Variants in SLF1 observed in about 807,000 individuals in gnomAD.
SLF1 encodes SMC5-SMC6 complex localization factor protein 1.
In SLF1, 105 loss-of-function variants were observed where a neutral mutation model predicts 123.0. The ratio of observed to expected loss-of-function variants is 0.85; its 90% CI spans 0.73 to 1.00. SLF1 has a LOEUF of 1.00. Among genes scored for constraint, SLF1 ranks in the 50% least tolerant of loss-of-function variants. SLF1 has a pLI of 0.00. For synonymous variants in SLF1, 434 were observed against 406.6 expected, an observed-to-expected ratio of 1.07 and a Z score of -0.81; for missense variants, 1,239 against 1,223.0, an observed-to-expected ratio of 1.01 and a Z score of -0.20.
At chr5:94,665,800 TAG>T in intron 11 of SLF1, 59 bp from the exon 12 acceptor site, 13 of 1,414,416 alleles carry the variant, frequency 9.2e-6, no homozygotes, top group Non-Finnish European at 1.2e-5. Context: ...TAGACTGAAT[TAG>T]AGAGTCAAAC....
chr5:94,695,355 T>C lies in SLF1; in HGVS notation c.*43T>C. 1 of 1,554,580 alleles carries C rather than the reference T, an allele frequency of 6.4e-7. No homozygotes were observed. Among genetic ancestry groups the C allele is most frequent in the Non-Finnish European group, 8.7e-7 (1 of 1,150,832 alleles). ...GATTGACTTTCTAAATCTGTTCAGT[T>C]TGCATTGGTACTTACTGTGGACTTC... On this transcript the variant is annotated 3_prime_UTR_variant, in exon 21 of 21. Coordinates refer to ENST00000265140, the MANE Select transcript of SLF1 (RefSeq NM_032290.4).
At chr5:94,619,590 C>T (rs1041664163) in intron 1 of SLF1, among the ~76,000 whole-genome samples, 1 of 150,530 alleles carries the variant, frequency 6.6e-6, no homozygotes, top group African/African-American at 2.5e-5. Context: ...TCTTTTTTGA[C>T]GAATGACTTT....
chr5:94,681,305 A>G (rs908272094), intron 15 of SLF1, among the ~76,000 whole-genome samples: 1 of 151,926 alleles, frequency 6.6e-6, no homozygotes, highest in Non-Finnish European at 1.5e-5. Context: ...AACTTTTTGT[A>G]TTTTTAGTAG....
At position 94,696,182 on chromosome 5, in the gene SLF1, T is replaced by C. The variant is rs1057099415; in HGVS notation, c.*870T>C. On this transcript the variant is annotated 3_prime_UTR_variant, in exon 21 of 21. Coordinates refer to ENST00000265140, the MANE Select transcript of SLF1 (RefSeq NM_032290.4). ...TGTAGTAAAACTAAAAGAAAGGGTG[T>C]GGATAATAACCACTTTTGAGATTGG... 6.6e-6 allele frequency: 1 copy of C among 151,820 alleles called. No homozygotes were observed. Among genetic ancestry groups the C allele is most frequent in the Non-Finnish European group, 1.5e-5 (1 of 67,818 alleles). The allele number at this position is 151,820 out of a possible 1,614,324, so 9.4% of individuals were successfully genotyped here.
intron 4 of SLF1, among the ~76,000 whole-genome samples, chr5:94,631,847 G>T (rs1312661604): frequency 6.6e-6 from 1 of 152,136 alleles, no homozygotes; most frequent in Admixed American, 6.5e-5. Context: ...AGGCATAGTG[G>T]CTCAGGTCTG....
chr5:94,672,102 G>A (rs1167678421), intron 14 of SLF1, among the ~76,000 whole-genome samples: 1 of 151,970 alleles, frequency 6.6e-6, no homozygotes, highest in Admixed American at 6.6e-5. Context: ...AATCGACTTT[G>A]TTGATTTGCT....
chr5:94,628,986 C>A, intron 2 of SLF1, 62 bp downstream of exon 2: 2 of 1,407,870 alleles, frequency 1.4e-6, no homozygotes, highest in Non-Finnish European at 1.9e-6. Context: ...CAAATACTGG[C>A]CTAAGAATGA....
chr5:94,627,195 GTTTC>G (rs1407129112), intron 1 of SLF1, among the ~76,000 whole-genome samples: 4 of 152,070 alleles, frequency 2.6e-5, no homozygotes, highest in Non-Finnish European at 5.9e-5. Flanking sequence ...AGAAGTCATT[GTTTC>G]TTTAATTATT....
intron 14 of SLF1, among the ~76,000 whole-genome samples, 190 bp downstream of exon 14, chr5:94,671,198 G>A (rs1285238737): frequency 6.6e-6 from 1 of 151,760 alleles, no homozygotes; most frequent in Non-Finnish European, 1.5e-5. Flanking sequence ...ATCGTCTCAT[G>A]TTTGCATGTA....
intron 12 of SLF1, among the ~76,000 whole-genome samples, chr5:94,667,586 G>A (rs1749937408): frequency 6.6e-6 from 1 of 152,042 alleles, no homozygotes; most frequent in African/African-American, 2.4e-5. Context: ...ATAGAAGATG[G>A]TTCAGATTTC....
At chr5:94,666,082 A>T (rs183728416) in intron 12 of SLF1, 58 bp downstream of exon 12, 1 of 1,404,684 alleles carries the variant, frequency 7.1e-7, no homozygotes, top group Non-Finnish European at 9.5e-7. Context: ...TATGCTAATT[A>T]TTTTTTTAAG....
intron 9 of SLF1, among the ~76,000 whole-genome samples, chr5:94,661,738 T>C (rs1749146180): frequency 6.6e-6 from 1 of 152,250 alleles, no homozygotes; most frequent in Non-Finnish European, 1.5e-5. Flanking sequence ...GGTTTTGCCA[T>C]GTTGGCCAGG....
Position 94,696,825 on chromosome 5 carries a change from G to C in SLF1, c.*1513G>C, listed in dbSNP as rs1203221901. The C allele has an allele frequency of 2.0e-5, 3 of 151,758 alleles. No homozygotes were observed. In the East Asian group the frequency reaches 5.8e-4, roughly 29 times the overall value. The allele number at this position is 151,758 out of a possible 1,614,324, so 9.4% of individuals were successfully genotyped here. The stretch of plus-strand genomic sequence containing the variant: ...CTTTGGCTTTCCTACATGTCAAATA[G>C]AAATCACACCAGGTATCTTTGTCAT... On this transcript the variant is annotated 3_prime_UTR_variant, in exon 21 of 21. Coordinates refer to ENST00000265140, the MANE Select transcript of SLF1 (RefSeq NM_032290.4).
At chr5:94,673,375 C>T (rs1219061088) in intron 14 of SLF1, among the ~76,000 whole-genome samples, 3 of 151,802 alleles carry the variant, frequency 2.0e-5, no homozygotes, top group Non-Finnish European at 4.4e-5. Context: ...GTTTTCTTCT[C>T]TAAGTGGGTT....
intron 17 of SLF1, 129 bp downstream of exon 17, chr5:94,688,798 A>C: frequency 1.0e-6 from 1 of 981,330 alleles, no homozygotes; most frequent in Non-Finnish European, 1.4e-6. Context: ...ACTCAATTTT[A>C]GATCTATTTG....
chr5:94,665,401 C>T (rs1006748297), intron 11 of SLF1, among the ~76,000 whole-genome samples: 1 of 152,054 alleles, frequency 6.6e-6, no homozygotes, highest in Non-Finnish European at 1.5e-5. Flanking sequence ...ATTAGCTAAA[C>T]ATGATGCTTC....
At chr5:94,625,221 A>T (rs1434878074) in intron 1 of SLF1, among the ~76,000 whole-genome samples, 1 of 151,662 alleles carries the variant, frequency 6.6e-6, no homozygotes, top group African/African-American at 2.4e-5. Context: ...ATTAAACAAT[A>T]AAAAACTCTT....
chr5:94,633,411 G>A (rs1745423573), intron 4 of SLF1, among the ~76,000 whole-genome samples: 1 of 152,134 alleles, frequency 6.6e-6, no homozygotes, highest in Non-Finnish European at 1.5e-5. Flanking sequence ...TTTTAAAAAT[G>A]ATTTTTGTAT....
At chr5:94,663,681 C>G in intron 10 of SLF1, 69 bp from the exon 11 acceptor site, 1 of 1,174,146 alleles carries the variant, frequency 8.5e-7, no homozygotes, top group Non-Finnish European at 1.2e-6. Flanking sequence ...TAAATTCTTA[C>G]TAATTCATGA....
Sources: gnomAD v4.1 joint callset for allele counts (sites outside exome capture counted in the v4.1 genomes callset) on GRCh38, gnomAD v4.1.1 for gene constraint, MANE v1.5 for transcripts, NCBI Gene and HGNC (gene_info 2026-07-23, HGNC 2026-07-21) for gene names.